The following AFAP1 variants were observed in gnomAD, a reference collection of about 807,000 sequenced individuals.
AFAP1 encodes the protein actin filament associated protein 1.
In AFAP1, 75 loss-of-function variants were observed where a neutral mutation model predicts 93.9. The observed-to-expected ratio is 0.80, with a 90% CI of 0.66 to 0.97. The LOEUF is 0.97. Ranked by LOEUF, AFAP1 falls within the 50% of genes least tolerant of loss-of-function variation. The probability of loss-of-function intolerance (pLI) is 0.00; values close to 1 mark genes in which losing one functional copy is unlikely to be tolerated. For missense variants in AFAP1, 1,201 were observed against 1,050.8 expected (o/e 1.14, Z -1.98); for synonymous variants, 517 against 430.7 (o/e 1.20, Z -2.48).
chr4:7,850,006 G>T (rs142180050), intron 4 of AFAP1, among the ~76,000 whole-genome samples: 22 of 152,272 alleles, frequency 1.4e-4, no homozygotes, highest in African/African-American at 5.1e-4. Flanking sequence ...GTAAAGGGAC[G>T]AGGAGAGAAG....
intron 4 of AFAP1, among the ~76,000 whole-genome samples, chr4:7,851,626 T>C (rs1362686933): frequency 6.6e-6 from 1 of 152,152 alleles, no homozygotes; most frequent in East Asian, 1.9e-4. Context: ...CTTGTCCAAA[T>C]GGGCTCACGT....
rs199828112 is a variant in AFAP1, at chr4:7,869,017, GA to G, written c.128-299del. Among the ~76,000 whole-genome samples, 742 of 140,806 alleles carry G rather than the reference GA, an allele frequency of 5.3e-3. 2 individuals carry two copies. Among genetic ancestry groups the G allele is most frequent in the African/African-American group, 0.019 (701 of 37,772 alleles). 92.4% of individuals were successfully genotyped at this position (140,806 alleles called of 152,430 possible). On this transcript the variant is annotated intron_variant, in intron 2 of 17. Coordinates refer to ENST00000420658, the MANE Select transcript of AFAP1 (RefSeq NM_001134647.2). ...GAAAAGAGAAAGAGAAAGGGAAAGG[GA>G]AAGGGAAAGAAAAAAGAAAGAAAAG...
chr4:7,809,401 T>C (rs991796623), intron 9 of AFAP1: 9 of 452,490 alleles, frequency 2.0e-5, no homozygotes, highest in Admixed American at 8.7e-5. Flanking sequence ...GAAAGAACCT[T>C]AGAGATCATC....
rs116369772 is a variant in AFAP1, at chr4:7,904,507, C to G, written c.-2-32427G>C. 4.3e-3 allele frequency among the ~76,000 whole-genome samples: 652 copies of G among 152,230 alleles called. 1 individual carries two copies. Among genetic ancestry groups the G allele is most frequent in the African/African-American group, 0.015 (603 of 41,538 alleles). Reference sequence around the variant, plus strand: ...ACATTTAGTGTGCACTCACGAGGTGCCAGGCTCTGAGTTTTATCTCGTCTA... The same window carrying G: ...ACATTTAGTGTGCACTCACGAGGTGGCAGGCTCTGAGTTTTATCTCGTCTA... On this transcript the variant is annotated intron_variant, in intron 1 of 17. Coordinates refer to ENST00000420658, the MANE Select transcript of AFAP1 (RefSeq NM_001134647.2).
chr4:7,795,218 T>C (rs1718286527), intron 10 of AFAP1, among the ~76,000 whole-genome samples: 1 of 152,086 alleles, frequency 6.6e-6, no homozygotes, highest in Non-Finnish European at 1.5e-5. Flanking sequence ...AACAAATCAT[T>C]ACTAACCATA....
intron 11 of AFAP1, among the ~76,000 whole-genome samples, chr4:7,790,517 C>G (rs986745367): frequency 6.6e-6 from 1 of 152,168 alleles, no homozygotes; most frequent in African/African-American, 2.4e-5. Flanking sequence ...GCTGATTATA[C>G]TTGCAATTAC....
chr4:7,784,410 C>A (rs536955481), intron 12 of AFAP1, among the ~76,000 whole-genome samples: 1 of 152,270 alleles, frequency 6.6e-6, no homozygotes, highest in South Asian at 2.1e-4. Context: ...GGTCCACTCA[C>A]CCCCATGAGA....
At chr4:7,810,073 G>A (rs1441721177) in intron 8 of AFAP1, among the ~76,000 whole-genome samples, 2 of 152,158 alleles carry the variant, frequency 1.3e-5, no homozygotes, top group African/African-American at 4.8e-5. Flanking sequence ...ATGTTGCCCA[G>A]GCTGGTCTCA....
At chr4:7,798,213 C>T (rs6837236) in intron 10 of AFAP1, among the ~76,000 whole-genome samples, 25,847 of 62,244 alleles carry the variant, frequency 0.42, 7,094 homozygotes, top group African/African-American at 0.73. Flanking sequence ...GCTCACGGCA[C>T]TGCAACTCTA....
intron 4 of AFAP1, among the ~76,000 whole-genome samples, chr4:7,852,265 A>C (rs1027472383): frequency 6.6e-5 from 10 of 152,164 alleles, no homozygotes; most frequent in African/African-American, 2.4e-4. Context: ...CCAGTGACCC[A>C]CTAACAAAAT....
chr4:7,864,014 T>C (rs867567320), intron 3 of AFAP1, among the ~76,000 whole-genome samples: 615 of 108,542 alleles, frequency 5.7e-3, no homozygotes, highest in East Asian at 0.012. Flanking sequence ...CAACTTCCCA[T>C]CACAACCCAT....
At chr4:7,837,256 TG>T (rs1712413880) in intron 6 of AFAP1, among the ~76,000 whole-genome samples, 1 of 152,192 alleles carries the variant, frequency 6.6e-6, no homozygotes, top group African/African-American at 2.4e-5. Context: ...GGACGGAATG[TG>T]TTCCCCCAAA....
At chr4:7,879,102 C>A (rs1717691059) in intron 1 of AFAP1, among the ~76,000 whole-genome samples, 1 of 152,198 alleles carries the variant, frequency 6.6e-6, no homozygotes, top group African/African-American at 2.4e-5. Context: ...GTTCACCCAA[C>A]TTCCTCAATG....
Position 7,806,204 on chromosome 4 carries a change from C to T in AFAP1, c.1054+3410G>A, listed in dbSNP as rs566392874. ...GCCCAATGCTAAATGCGTCAGTCAA[C>T]GTCACTCAATAGGCGTTGCAGGGTT... On this transcript the variant is annotated intron_variant, in intron 9 of 17. Transcript: ENST00000420658. Among the ~76,000 whole-genome samples, 20 of 152,326 alleles carry T rather than the reference C, an allele frequency of 1.3e-4. 1 individual carries two copies. The highest frequency in any genetic ancestry group is 4.1e-4 in the African/African-American group (17 of 41,580).
At chr4:7,936,849 G>C (rs1721418810) in intron 1 of AFAP1, among the ~76,000 whole-genome samples, 1 of 152,116 alleles carries the variant, frequency 6.6e-6, no homozygotes, top group Non-Finnish European at 1.5e-5. Context: ...CCAAAGTGTT[G>C]GGATTACAGG....
At chr4:7,812,947 G>A (rs188324681) in intron 8 of AFAP1, among the ~76,000 whole-genome samples, 1 of 152,236 alleles carries the variant, frequency 6.6e-6, no homozygotes, top group Admixed American at 6.5e-5. Flanking sequence ...CCCCCAAACA[G>A]AAGGTCCCAG....
intron 3 of AFAP1, among the ~76,000 whole-genome samples, chr4:7,864,353 C>G (rs953879089): frequency 1.3e-5 from 2 of 152,232 alleles, no homozygotes; most frequent in African/African-American, 4.8e-5. Flanking sequence ...CAGTCCCGTC[C>G]TGACCCCACA....
chr4:7,778,564 A>G, intron 14 of AFAP1, 198 bp downstream of exon 14: 1 of 624,880 alleles, frequency 1.6e-6, no homozygotes, highest in Non-Finnish European at 2.9e-6. Flanking sequence ...CTGGGCTTCA[A>G]TTTACAAGCA....
chr4:7,783,684 C>T (rs1716994061), intron 12 of AFAP1, among the ~76,000 whole-genome samples: 1 of 152,210 alleles, frequency 6.6e-6, no homozygotes, highest in African/African-American at 2.4e-5. Context: ...GCCTAAAGAA[C>T]ACTTGCTCCT....
Sources: allele counts gnomAD v4.1 joint callset (sites outside exome capture counted in the v4.1 genomes callset), GRCh38; gene constraint gnomAD v4.1.1; transcripts MANE v1.5; gene names NCBI Gene and HGNC (gene_info 2026-07-23, HGNC 2026-07-21).